Variants in SIRT3 observed in about 807,000 individuals in gnomAD.
The protein encoded by SIRT3 is sirtuin 3.
SIRT3 carries 26 observed loss-of-function variants against 33.5 expected under a neutral mutation model. The observed-to-expected ratio is 0.78, with a 90% CI of 0.57 to 1.08. The LOEUF is 1.08. Ranked by LOEUF, SIRT3 falls within the 50% of genes least tolerant of loss-of-function variation. The pLI is 0.00. For synonymous variants in SIRT3, 237 were observed against 222.1 expected (o/e 1.07, Z -0.60); for missense variants, 585 against 530.1 (o/e 1.10, Z -1.02).
In SIRT3 at chr11:223,899, T is replaced by A; in HGVS notation, c.969+179A>T. 2.1e-5 allele frequency: 7 copies of A among 328,620 alleles called. No homozygotes were observed. Among genetic ancestry groups the A allele is most frequent in the Non-Finnish European group, 2.9e-5 (5 of 173,438 alleles). The allele number at this position is 328,620 out of a possible 1,614,324, so 20.4% of individuals were successfully genotyped here. On this transcript the variant is annotated intron_variant, in intron 5 of 6. Coordinates refer to ENST00000382743, the MANE Select transcript of SIRT3 (RefSeq NM_012239.6). The surrounding 1 kb of genome is among the most constrained non-coding windows in gnomAD (Gnocchi z 4.8). The stretch of plus-strand genomic sequence containing the variant: ...CCTGTACCCCTCCCTTCCCCTGCCC[T>A]CCAGCCTCCTCCCTGCACAGGCCTG...
In SIRT3 at chr11:233,323, G is replaced by A. The variant is rs1858376197; in HGVS notation, c.473+20C>T. The A allele has an allele frequency of 1.2e-6, 2 of 1,609,808 alleles. No homozygotes were observed. The highest frequency in any genetic ancestry group is 2.7e-5 in the African/African-American group (2 of 74,946). On this transcript the variant is annotated intron_variant, in intron 2 of 6. Coordinates refer to ENST00000382743, the MANE Select transcript of SIRT3 (RefSeq NM_012239.6). ...TCAGGGGAGGGGAGCGCAGAAGGCA[G>A]GTGGGACTGTGGGCAGTACCTGAAG...
Position 216,539 on chromosome 11 carries a change from A to G in SIRT3, c.*159T>C. The G allele has an allele frequency of 2.6e-6, 2 of 767,174 alleles. No individual in the cohort carries two copies. Among genetic ancestry groups the G allele is most frequent in the South Asian group, 1.6e-5 (1 of 60,964 alleles). 47.5% of individuals were successfully genotyped at this position (767,174 alleles called of 1,614,324 possible). On this transcript the variant is annotated 3_prime_UTR_variant, in exon 7 of 7. Coordinates refer to ENST00000382743, the MANE Select transcript of SIRT3 (RefSeq NM_012239.6). ...ACAGCCCTACCAGTCACTGCAGCTC[A>G]TGGCCTGAGAAGACATTCCAGTGGC... is the stretch of plus-strand genomic sequence containing the variant.
At chr11:231,124 C>A (rs866200546) in intron 3 of SIRT3, among the ~76,000 whole-genome samples, 102 of 138,524 alleles carry the variant, frequency 7.4e-4, no homozygotes, top group Middle Eastern at 3.9e-3. Context: ...GATTCTGTCT[C>A]AAAAAAAAAA....
chr11:236,370 C>CCGGCGCCCTGCCCG, upstream of SIRT3: 1 of 1,174,640 alleles, frequency 8.5e-7, no homozygotes, highest in Non-Finnish European at 1.0e-6. Flanking sequence ...CGCCCCGCCC[C>CCGGCGCCCTGCCCG]CGGCGCCCCG....
At chr11:225,405 C>CT (rs1237834645) in intron 4 of SIRT3, among the ~76,000 whole-genome samples, 2 of 150,968 alleles carry the variant, frequency 1.3e-5, no homozygotes, top group Non-Finnish European at 3.0e-5. Context: ...AAGCGAGACT[C>CT]TGTCTCAAAA....
intron 1 of SIRT3, among the ~76,000 whole-genome samples, chr11:234,368 T>C (rs1295673655): frequency 1.3e-5 from 2 of 152,038 alleles, no homozygotes; most frequent in Non-Finnish European, 2.9e-5. Flanking sequence ...CACGCAGCCC[T>C]ATGCCTCCTG....
At chr11:219,761 A>G (rs1856172630) in intron 5 of SIRT3, among the ~76,000 whole-genome samples, 1 of 152,260 alleles carries the variant, frequency 6.6e-6, no homozygotes, top group Non-Finnish European at 1.5e-5. Context: ...AAGAAAACTA[A>G]GGATTTACAA....
At position 233,046 on chromosome 11, in the gene SIRT3, G is replaced by T; in HGVS notation, c.643C>A (p.Leu215Met). The part of the protein sequence containing the change: ...KPNVTHYFLR[L>M]LHDKGLLLRL... ...AGAAGCAGCCCCTTGTCATGAAGCA[G>T]CCGGAGAAAGTAGTGAGTGACGTTG... The change falls in exon 3 of 7, where the codon CTG becomes ATG. Residue 215 changes from leucine (L) to methionine (M), a missense_variant. Physicochemically the swap from Leu to Met is conservative, Grantham distance 15. Transcript: ENST00000382743. 1 of 1,614,198 alleles carries T rather than the reference G, an allele frequency of 6.2e-7. No homozygotes were observed. The highest frequency in any genetic ancestry group is 8.5e-7 in the Non-Finnish European group (1 of 1,180,032).
intron 2 of SIRT3, 32 bp from the exon 3 acceptor site, chr11:233,247 T>C: frequency 6.2e-7 from 1 of 1,607,714 alleles, no homozygotes; most frequent in Non-Finnish European, 8.5e-7. Flanking sequence ...TCTGAGGCCT[T>C]TGGAAGAGGA....
At chr11:230,301 C>A in intron 4 of SIRT3, 151 bp downstream of exon 4, 10 of 367,092 alleles carry the variant, frequency 2.7e-5, no homozygotes, top group Non-Finnish European at 2.9e-5. Context: ...AATTTTTTTA[C>A]AAGCATGTAT....
At chr11:216,804 C>T (rs1855710884) in intron 6 of SIRT3, 86 bp from the exon 7 acceptor site, 1 of 1,386,942 alleles carries the variant, frequency 7.2e-7, no homozygotes, top group African/African-American at 1.4e-5. Context: ...GCTCTAGCTG[C>T]AGACATGCAA....
intron 6 of SIRT3, among the ~76,000 whole-genome samples, chr11:218,441 A>G (rs926259470): frequency 6.6e-6 from 1 of 152,224 alleles, no homozygotes; most frequent in African/African-American, 2.4e-5. Flanking sequence ...TGTAGCCTTC[A>G]TCCCACATAG....
chr11:217,555 G>A (rs929057606), intron 6 of SIRT3, among the ~76,000 whole-genome samples: 9 of 152,232 alleles, frequency 5.9e-5, no homozygotes, highest in Middle Eastern at 3.2e-3. Flanking sequence ...GGAGGCACTC[G>A]CCTCTCAGCG....
chr11:236,869 T>G (rs1475137506), upstream of SIRT3: 2 of 615,384 alleles, frequency 3.2e-6, no homozygotes, highest in Non-Finnish European at 5.8e-6. Flanking sequence ...CGGAGAGTTT[T>G]GTCCGGAGCG....
At position 223,333 on chromosome 11, in the gene SIRT3, C is replaced by T. The variant is rs1856686303; in HGVS notation, c.969+745G>A. On this transcript the variant is annotated intron_variant, in intron 5 of 6. Coordinates refer to ENST00000382743, the MANE Select transcript of SIRT3 (RefSeq NM_012239.6). The surrounding 1 kb of genome is among the most constrained non-coding windows in gnomAD (Gnocchi z 4.8). ...ACGCCTCACCAGCAAGTGCCCTGAC[C>T]TTACAGACCAAGCCAGACGCCTCCT... The T allele has an allele frequency of 1.5e-5, 3 of 196,908 alleles. 1 individual carries two copies. In the South Asian group the frequency reaches 2.7e-4, roughly 18 times the overall value. The allele number at this position is 196,908 out of a possible 1,614,324, so 12.2% of individuals were successfully genotyped here.
chr11:232,014 G>A (rs1590203712), intron 3 of SIRT3, among the ~76,000 whole-genome samples: 1 of 152,142 alleles, frequency 6.6e-6, no homozygotes, highest in South Asian at 2.1e-4. Context: ...ATATGGATAC[G>A]GTCAAGAAAT....
At chr11:218,289 G>A (rs1460060169) in intron 6 of SIRT3, among the ~76,000 whole-genome samples, 1 of 152,148 alleles carries the variant, frequency 6.6e-6, no homozygotes. Context: ...TGATTCTTAT[G>A]GGAAACTGCA....
intron 4 of SIRT3, among the ~76,000 whole-genome samples, chr11:230,086 G>A (rs1396040566): frequency 3.3e-5 from 5 of 151,690 alleles, no homozygotes; most frequent in East Asian, 3.9e-4. Context: ...GGTGGCTCAC[G>A]CCTGTAATCC....
intron 4 of SIRT3, among the ~76,000 whole-genome samples, chr11:228,442 T>C (rs554953962): frequency 1.3e-5 from 2 of 152,266 alleles, no homozygotes; most frequent in African/African-American, 4.8e-5. Context: ...CAGATAACAA[T>C]GGAATAGAAT....
Sources: allele counts gnomAD v4.1 joint callset (sites outside exome capture counted in the v4.1 genomes callset), GRCh38; gene constraint gnomAD v4.1.1; non-coding constraint Gnocchi (gnomAD v3.1); transcripts MANE v1.5; gene names NCBI Gene and HGNC (gene_info 2026-07-23, HGNC 2026-07-21).